Variants in KCTD8 observed in about 807,000 individuals in gnomAD.
The protein encoded by KCTD8 is potassium channel tetramerization domain containing 8.
A neutral mutation model predicts 31.5 loss-of-function variants in KCTD8; 27 were observed. The observed-to-expected ratio is 0.86, with a 90% CI of 0.63 to 1.18. The LOEUF (loss-of-function observed/expected upper bound fraction) is 1.18, where lower values mean the gene tolerates loss of function less well. Ranked by LOEUF, KCTD8 falls within the 50% of genes most tolerant of loss-of-function variation. KCTD8 has a pLI of 0.00. For synonymous variants in KCTD8, 290 were observed against 280.0 expected (o/e 1.04, Z -0.36); for missense variants, 658 against 647.7 (o/e 1.02, Z -0.17).
chr4:44,431,308 C>A (rs929798391), intron 1 of KCTD8, among the ~76,000 whole-genome samples: 1 of 151,522 alleles, frequency 6.6e-6, no homozygotes, highest in African/African-American at 2.4e-5. Context: ...TTCCCAAAGG[C>A]CTTTCTTGTT....
rs1050467407 is a variant in KCTD8 at position 44,230,760 on chromosome 4, G to A, written c.962-55510C>T. On this transcript the variant is annotated intron_variant, in intron 1 of 1. Coordinates refer to ENST00000360029, the MANE Select transcript of KCTD8 (RefSeq NM_198353.3). ...ATACCCTTGAGTGTTGTTTCTCATG[G>A]AGTAATTCTTGAGCCAAACTATCAG... Among the ~76,000 whole-genome samples, 6 of 152,240 alleles carry A rather than the reference G, an allele frequency of 3.9e-5. No individual in the cohort carries two copies. In the South Asian group the frequency reaches 8.3e-4, roughly 21 times the overall value.
At chr4:44,205,529 G>A (rs1714278713) in intron 1 of KCTD8, among the ~76,000 whole-genome samples, 2 of 151,212 alleles carry the variant, frequency 1.3e-5, no homozygotes, top group African/African-American at 4.9e-5. Flanking sequence ...GGAAGTAACT[G>A]TAAAGTTCTC....
chr4:44,267,812 C>T (rs531329330), intron 1 of KCTD8, among the ~76,000 whole-genome samples: 3 of 152,202 alleles, frequency 2.0e-5, no homozygotes, highest in South Asian at 2.1e-4. Flanking sequence ...GTAAATCCCT[C>T]GACACATACA....
chr4:44,337,090 C>A (rs1718769816), intron 1 of KCTD8, among the ~76,000 whole-genome samples: 1 of 152,048 alleles, frequency 6.6e-6, no homozygotes, highest in Non-Finnish European at 1.5e-5. Context: ...AAGTAATAAA[C>A]ACCTCTAAAA....
intron 1 of KCTD8, among the ~76,000 whole-genome samples, chr4:44,432,103 G>C (rs570024295): frequency 2.6e-5 from 4 of 151,382 alleles, no homozygotes; most frequent in Admixed American, 1.3e-4. Flanking sequence ...ATTGGAGCCA[G>C]TATTTTATTC....
chr4:44,445,950 T>G (rs1337258649), intron 1 of KCTD8, among the ~76,000 whole-genome samples: 4 of 152,234 alleles, frequency 2.6e-5, no homozygotes, highest in African/African-American at 9.6e-5. Context: ...TAAAATATCT[T>G]CCCTTGGGTG....
chr4:44,299,010 T>C (rs556634111), intron 1 of KCTD8, among the ~76,000 whole-genome samples: 60 of 152,360 alleles, frequency 3.9e-4, no homozygotes, highest in Non-Finnish European at 7.9e-4. Context: ...TACTTATTAT[T>C]ACAAGCTTCT....
chr4:44,353,510 A>G (rs1719266942), intron 1 of KCTD8, among the ~76,000 whole-genome samples: 1 of 152,052 alleles, frequency 6.6e-6, no homozygotes, highest in Non-Finnish European at 1.5e-5. Flanking sequence ...AATATACACT[A>G]AAATATCATT....
At chr4:44,341,741 C>G (rs1297271321) in intron 1 of KCTD8, among the ~76,000 whole-genome samples, 1 of 152,092 alleles carries the variant, frequency 6.6e-6, no homozygotes, top group Non-Finnish European at 1.5e-5. Flanking sequence ...AGTTTTGAAC[C>G]CTACAAAGAT....
chr4:44,321,807 A>C (rs1415670479), intron 1 of KCTD8, among the ~76,000 whole-genome samples: 1 of 152,040 alleles, frequency 6.6e-6, no homozygotes, highest in East Asian at 1.9e-4. Flanking sequence ...CTCTACCTCC[A>C]TGAGATAAAC....
At chr4:44,342,444 T>C (rs1718929213) in intron 1 of KCTD8, among the ~76,000 whole-genome samples, 1 of 151,920 alleles carries the variant, frequency 6.6e-6, no homozygotes, top group Non-Finnish European at 1.5e-5. Context: ...CAATACTCAG[T>C]AAACCATGCT....
At chr4:44,232,082 T>C (rs993672793) in intron 1 of KCTD8, among the ~76,000 whole-genome samples, 2 of 152,156 alleles carry the variant, frequency 1.3e-5, no homozygotes, top group Non-Finnish European at 2.9e-5. Flanking sequence ...AATTTCTCGG[T>C]CTTCACCATA....
intron 1 of KCTD8, among the ~76,000 whole-genome samples, chr4:44,445,562 A>G (rs1721918324): frequency 6.6e-6 from 1 of 152,170 alleles, no homozygotes; most frequent in Non-Finnish European, 1.5e-5. Flanking sequence ...TCCAGTTTCA[A>G]TATACTAAGG....
intron 1 of KCTD8, among the ~76,000 whole-genome samples, chr4:44,418,301 G>A (rs1721125120): frequency 6.6e-6 from 1 of 152,178 alleles, no homozygotes; most frequent in Non-Finnish European, 1.5e-5. Flanking sequence ...GACATGGCTA[G>A]AGCAAAGGAT....
Position 44,448,094 on chromosome 4 carries a change from T to C in KCTD8, c.430A>G (p.Lys144Glu). The C allele has an allele frequency of 1.9e-6, 3 of 1,612,598 alleles. No homozygotes were observed. In the South Asian group the frequency reaches 3.3e-5, roughly 18 times the overall value. ...TTGGTGACCTTGGGCGACAGCAGCTTGACCAAGTCGGTGAGCTGGAAATAC... is the reference window on the plus strand; with the variant it reads ...TTGGTGACCTTGGGCGACAGCAGCTCGACCAAGTCGGTGAGCTGGAAATAC... ...AEYFQLTDLV[K>E]LLSPKVTKQN... The change falls in exon 1 of 2, where the codon AAG becomes GAG. Residue 144 changes from lysine to glutamate, a missense_variant. Physicochemically the swap from Lys to Glu is moderately conservative, Grantham distance 56. Transcript: ENST00000360029. The surrounding 1 kb of genome is among the most constrained non-coding windows in gnomAD (Gnocchi z 4.1).
At chr4:44,427,442 A>G (rs1404773597) in intron 1 of KCTD8, among the ~76,000 whole-genome samples, 2 of 151,464 alleles carry the variant, frequency 1.3e-5, no homozygotes, top group South Asian at 4.2e-4. Flanking sequence ...TAAAACTACA[A>G]TGTAGATAAC....
At chr4:44,400,574 C>T (rs1720623068) in intron 1 of KCTD8, among the ~76,000 whole-genome samples, 1 of 151,584 alleles carries the variant, frequency 6.6e-6, no homozygotes, top group Admixed American at 6.6e-5. Context: ...ACTAAAAATA[C>T]AAAAATTAGC....
intron 1 of KCTD8, among the ~76,000 whole-genome samples, chr4:44,283,862 G>A (rs1291518922): frequency 6.6e-6 from 1 of 152,036 alleles, no homozygotes; most frequent in Non-Finnish European, 1.5e-5. Flanking sequence ...AATCATGAGT[G>A]AACTCCCATT....
intron 1 of KCTD8, among the ~76,000 whole-genome samples, chr4:44,396,313 G>T (rs1040559807): frequency 6.6e-6 from 1 of 152,106 alleles, no homozygotes; most frequent in Non-Finnish European, 1.5e-5. Flanking sequence ...TCACTGGCTT[G>T]CTCATCACTC....
Sources: allele counts gnomAD v4.1 joint callset (sites outside exome capture counted in the v4.1 genomes callset), GRCh38; gene constraint gnomAD v4.1.1; non-coding constraint Gnocchi (gnomAD v3.1); transcripts MANE v1.5; gene names NCBI Gene and HGNC (gene_info 2026-07-23, HGNC 2026-07-21).